Variants in MACROD2 observed in about 807,000 individuals in gnomAD.
MACROD2 encodes mono-ADP ribosylhydrolase 2.
In MACROD2, 36 loss-of-function variants were observed where a neutral mutation model predicts 70.4. That is an observed-to-expected ratio of 0.51 (90% CI 0.39 to 0.68). The LOEUF (loss-of-function observed/expected upper bound fraction) is 0.68, where lower values mean the gene tolerates loss of function less well. Among genes scored for constraint, MACROD2 ranks in the 30% least tolerant of loss-of-function variants. MACROD2 has a pLI of 0.00. For missense variants in MACROD2, 496 were observed against 538.4 expected, an observed-to-expected ratio of 0.92 and a Z score of 0.78; for synonymous variants, 172 against 178.8, an observed-to-expected ratio of 0.96 and a Z score of 0.30.
At chr20:15,641,655 G>A (rs1240851702) in intron 8 of MACROD2, among the ~76,000 whole-genome samples, 4 of 152,156 alleles carry the variant, frequency 2.6e-5, no homozygotes, top group Non-Finnish European at 5.9e-5. Flanking sequence ...ACACACAAGC[G>A]TCTTACACCT....
At chr20:15,954,574 GT>G (rs1465797100) in intron 12 of MACROD2, among the ~76,000 whole-genome samples, 9 of 152,108 alleles carry the variant, frequency 5.9e-5, no homozygotes, top group African/African-American at 2.2e-4. Flanking sequence ...TTTTATCCCT[GT>G]GATTAGTACA....
At chr20:15,418,120 C>T (rs1279801622) in intron 6 of MACROD2, among the ~76,000 whole-genome samples, 2 of 152,158 alleles carry the variant, frequency 1.3e-5, no homozygotes, top group Admixed American at 1.3e-4. Context: ...GGGGAGGTTA[C>T]TCACCCAGTC....
intron 4 of MACROD2, among the ~76,000 whole-genome samples, chr20:14,558,700 T>A (rs1441844782): frequency 6.6e-6 from 1 of 151,726 alleles, no homozygotes; most frequent in African/African-American, 2.4e-5. Flanking sequence ...AAATGAAACA[T>A]TACATCTAAA....
At position 15,717,453 on chromosome 20, in the gene MACROD2, A is replaced by G. The variant is rs145588099; in HGVS notation, c.646-145292A>G. Among the ~76,000 whole-genome samples the G allele has an allele frequency of 1.1e-4, 16 of 152,372 alleles. No homozygotes were observed. The East Asian group carries it at 3.1e-3, about 29-fold the overall frequency. ...ATGTATTCATATAACTGCAAGATTT[A>G]TGGAGATAACATGATTGGGAAAATA... On this transcript the variant is annotated intron_variant, in intron 8 of 17. Coordinates refer to ENST00000684519, the MANE Select transcript of MACROD2 (RefSeq NM_001351661.2).
intron 5 of MACROD2, among the ~76,000 whole-genome samples, chr20:14,807,489 C>T (rs1362123987): frequency 2.0e-5 from 3 of 152,058 alleles, no homozygotes; most frequent in Non-Finnish European, 2.9e-5. Context: ...TGAGGAAAAA[C>T]GAGTGCCAAA....
At chr20:15,469,483 C>A (rs576559501) in intron 7 of MACROD2, among the ~76,000 whole-genome samples, 1 of 152,198 alleles carries the variant, frequency 6.6e-6, no homozygotes, top group African/African-American at 2.4e-5. Flanking sequence ...CTGGGATCCA[C>A]AAAGATGATG....
At chr20:15,881,328 G>C (rs2064751788) in intron 9 of MACROD2, among the ~76,000 whole-genome samples, 1 of 152,036 alleles carries the variant, frequency 6.6e-6, no homozygotes, top group African/African-American at 2.4e-5. Flanking sequence ...AAAAAGCTTG[G>C]AGGCTACGAG....
At chr20:14,233,199 G>A (rs529913358) in intron 3 of MACROD2, among the ~76,000 whole-genome samples, 2 of 152,172 alleles carry the variant, frequency 1.3e-5, no homozygotes, top group African/African-American at 4.8e-5. Context: ...AAATAATAAT[G>A]GAAATGTCTG....
At chr20:15,363,900 G>A (rs1029587300) in intron 6 of MACROD2, among the ~76,000 whole-genome samples, 1 of 152,124 alleles carries the variant, frequency 6.6e-6, no homozygotes, top group Admixed American at 6.5e-5. Flanking sequence ...CAAGCTACAA[G>A]GAATAGCAGT....
intron 4 of MACROD2, among the ~76,000 whole-genome samples, chr20:14,619,759 C>T (rs1311933335): frequency 7.9e-5 from 12 of 152,006 alleles, no homozygotes; most frequent in Admixed American, 6.6e-4. Flanking sequence ...GATGACTGGC[C>T]AGCTTAGTCT....
chr20:14,424,550 A>G (rs1432143069), intron 3 of MACROD2, among the ~76,000 whole-genome samples: 1 of 152,196 alleles, frequency 6.6e-6, no homozygotes, highest in African/African-American at 2.4e-5. Flanking sequence ...GTGATTGTCA[A>G]ATTTCTTCTT....
intron 5 of MACROD2, among the ~76,000 whole-genome samples, chr20:14,755,384 T>G (rs1273327747): frequency 1.3e-5 from 2 of 152,078 alleles, no homozygotes; most frequent in Non-Finnish European, 2.9e-5. Flanking sequence ...CTCATGTACT[T>G]TAGAATGCCA....
intron 8 of MACROD2, among the ~76,000 whole-genome samples, chr20:15,805,722 C>T (rs2063763536): frequency 6.6e-6 from 1 of 152,088 alleles, no homozygotes; most frequent in Admixed American, 6.5e-5. Context: ...GTGATCTGCC[C>T]ACCTCGGCCT....
chr20:14,925,430 C>T lies in MACROD2; in HGVS notation c.418+240471C>T, dbSNP rs1600832619. ...GGGTGCTATTTTGTAATGAGAAGTCCAGAGAATTTTCTGAAGGCATGACTT... is the reference window on the plus strand; with the variant it reads ...GGGTGCTATTTTGTAATGAGAAGTCTAGAGAATTTTCTGAAGGCATGACTT... On this transcript the variant is annotated intron_variant, in intron 5 of 17. Transcript: ENST00000684519. Among the ~76,000 whole-genome samples, 3 of 152,204 alleles carry T rather than the reference C, an allele frequency of 2.0e-5. No individual in the cohort carries two copies. In the East Asian group the frequency reaches 5.8e-4, roughly 29 times the overall value.
intron 15 of MACROD2, among the ~76,000 whole-genome samples, chr20:16,029,874 C>T (rs758632853): frequency 1.2e-4 from 19 of 152,078 alleles, no homozygotes; most frequent in African/African-American, 3.1e-4. Flanking sequence ...AGCAAAATCC[C>T]GGGAATTTCA....
chr20:14,834,936 T>C (rs1381193815), intron 5 of MACROD2, among the ~76,000 whole-genome samples: 1 of 151,972 alleles, frequency 6.6e-6, no homozygotes, highest in African/African-American at 2.4e-5. Context: ...TATTTATATA[T>C]AGACTATACA....
At chr20:14,402,255 T>G (rs1048276388) in intron 3 of MACROD2, among the ~76,000 whole-genome samples, 1 of 152,132 alleles carries the variant, frequency 6.6e-6, no homozygotes. Context: ...ACACTTAAGT[T>G]CTGGTTGTAG....
intron 5 of MACROD2, among the ~76,000 whole-genome samples, chr20:14,938,697 C>T (rs1429340378): frequency 1.3e-5 from 2 of 152,046 alleles, no homozygotes; most frequent in African/African-American, 4.8e-5. Context: ...GGGAGGATCA[C>T]CTGAGCCCAA....
chr20:15,416,902 C>CAAA (rs140768856), intron 6 of MACROD2, among the ~76,000 whole-genome samples: 19 of 146,668 alleles, frequency 1.3e-4, no homozygotes, highest in East Asian at 4.1e-4. Context: ...GACTCCGTCT[C>CAAA]AAAAAAAAAA....
Sources: gnomAD v4.1 joint callset for allele counts (sites outside exome capture counted in the v4.1 genomes callset) on GRCh38, gnomAD v4.1.1 for gene constraint, MANE v1.5 for transcripts, NCBI Gene and HGNC (gene_info 2026-07-23, HGNC 2026-07-21) for gene names.